RARB: variants seen among roughly 807,000 people sequenced by gnomAD.
The protein encoded by RARB is retinoic acid receptor beta.
Under a neutral mutation model 51.9 loss-of-function variants are expected in RARB, and 17 were observed. The ratio of observed to expected loss-of-function variants is 0.33; its 90% CI spans 0.22 to 0.49. The LOEUF is 0.49. Among genes scored for constraint, RARB ranks in the 20% least tolerant of loss-of-function variants. The probability of loss-of-function intolerance (pLI) is 0.99; values close to 1 mark genes in which losing one functional copy is unlikely to be tolerated. For missense variants in RARB, 369 were observed against 550.8 expected, an observed-to-expected ratio of 0.67 and a Z score of 3.30; for synonymous variants, 215 against 195.4, an observed-to-expected ratio of 1.10 and a Z score of -0.84.
At chr3:24,931,102 A>C (rs563926982) in intron 2 of RARB, among the ~76,000 whole-genome samples, 8 of 152,106 alleles carry the variant, frequency 5.3e-5, no homozygotes, top group African/African-American at 1.9e-4. Context: ...CTGGAATTCA[A>C]ACCCAGACAG....
At chr3:24,965,743 C>T (rs923220798) in intron 2 of RARB, among the ~76,000 whole-genome samples, 1 of 152,092 alleles carries the variant, frequency 6.6e-6, no homozygotes, top group African/African-American at 2.4e-5. Flanking sequence ...ACCTCAAATC[C>T]GTTCATTACT....
chr3:25,593,789 C>T, intron 6 of RARB, 82 bp downstream of exon 6: 1 of 1,384,188 alleles, frequency 7.2e-7, no homozygotes, highest in Non-Finnish European at 1.0e-6. Flanking sequence ...CCTCATTTCC[C>T]TTTTGGAGTT....
intron 2 of RARB, among the ~76,000 whole-genome samples, chr3:25,475,174 G>A (rs1008442914): frequency 1.3e-5 from 2 of 152,164 alleles, no homozygotes; most frequent in Non-Finnish European, 2.9e-5. Context: ...ACCTAAAAGA[G>A]TATTTTTGAA....
intron 5 of RARB, among the ~76,000 whole-genome samples, chr3:25,406,981 T>C (rs1267316781): frequency 1.3e-5 from 2 of 152,252 alleles, no homozygotes; most frequent in Non-Finnish European, 2.9e-5. Flanking sequence ...TAATGTGGAA[T>C]GATTTCCAAA....
chr3:25,025,131 T>C (rs1197628906), intron 2 of RARB: 3 of 152,100 alleles, frequency 2.0e-5, no homozygotes, highest in Non-Finnish European at 2.9e-5. Context: ...CCAAGAAAAG[T>C]TGTAAGCATT....
chr3:25,411,866 G>A (rs764011402), intron 5 of RARB, among the ~76,000 whole-genome samples: 4 of 152,194 alleles, frequency 2.6e-5, no homozygotes, highest in Non-Finnish European at 5.9e-5. Flanking sequence ...GACAACTTTG[G>A]GAGAGACAAC....
At chr3:24,942,700 A>G (rs1050128454) in intron 2 of RARB, among the ~76,000 whole-genome samples, 2 of 152,146 alleles carry the variant, frequency 1.3e-5, no homozygotes, top group African/African-American at 2.4e-5. Flanking sequence ...AATACGCACT[A>G]TGTTGCCTGG....
At chr3:24,904,850 A>C (rs1479639166) in intron 2 of RARB, among the ~76,000 whole-genome samples, 1 of 152,236 alleles carries the variant, frequency 6.6e-6, no homozygotes, top group Non-Finnish European at 1.5e-5. Context: ...TGATGAGTTC[A>C]TGTCCTTTGC....
intron 4 of RARB, among the ~76,000 whole-genome samples, chr3:25,153,612 T>G (rs1700328862): frequency 6.6e-6 from 1 of 152,166 alleles, no homozygotes; most frequent in African/African-American, 2.4e-5. Flanking sequence ...GTGAAAACCT[T>G]CTGAGTTGTT....
intron 5 of RARB, among the ~76,000 whole-genome samples, chr3:25,210,529 C>CTTTTATTTTTTTTTTTTTTTT (rs1701666981): frequency 3.6e-5 from 1 of 27,618 alleles, no homozygotes; most frequent in Non-Finnish European, 8.7e-5. Context: ...TTATCTGATT[C>CTTTTATTTTTTTTTTTTTTTT]TTTTTTTTTT....
chr3:25,215,701 C>G (rs780786388), intron 5 of RARB, among the ~76,000 whole-genome samples: 52 of 152,148 alleles, frequency 3.4e-4, no homozygotes, highest in Non-Finnish European at 6.8e-4. Context: ...TTGCCCATCA[C>G]AGTTCCTCTG....
Position 25,381,811 on chromosome 3 carries a change from G to A in RARB, c.179-79382G>A, listed in dbSNP as rs184952672. ...CAACTGAATGAGAAACCTGGAGGGT[G>A]GGCCAGGAAATTTGAGTTTTAACAA... is the stretch of plus-strand genomic sequence containing the variant. On this transcript the variant is annotated intron_variant, in intron 5 of 11. Transcript: ENST00000383772. Among the ~76,000 whole-genome samples the A allele has an allele frequency of 4.1e-4, 63 of 152,290 alleles. 1 individual carries two copies. The highest frequency in any genetic ancestry group is 7.6e-4 in the Non-Finnish European group (52 of 68,036).
intron 1 of RARB, among the ~76,000 whole-genome samples, chr3:24,850,247 A>G (rs1575035214): frequency 6.6e-6 from 1 of 152,154 alleles, no homozygotes; most frequent in South Asian, 2.1e-4. Context: ...GAATTTTCAG[A>G]CCATAGCAAC....
intron 5 of RARB, among the ~76,000 whole-genome samples, chr3:25,215,497 A>C (rs1338003873): frequency 3.9e-5 from 6 of 152,000 alleles, no homozygotes; most frequent in Non-Finnish European, 7.4e-5. Flanking sequence ...GAGAGTGAGC[A>C]CTCTGGCGGG....
At chr3:25,307,386 CA>C (rs572540162) in intron 5 of RARB, among the ~76,000 whole-genome samples, 7,741 of 126,912 alleles carry the variant, frequency 0.061, 202 homozygotes, top group African/African-American at 0.066. Context: ...AACTCTGTCT[CA>C]AAAAAAAAAA....
chr3:24,998,461 C>G (rs924967645), intron 2 of RARB, among the ~76,000 whole-genome samples: 1 of 151,740 alleles, frequency 6.6e-6, no homozygotes, highest in Non-Finnish European at 1.5e-5. Context: ...CCACAAAGAC[C>G]CCTGACTGAC....
intron 5 of RARB, among the ~76,000 whole-genome samples, chr3:25,355,026 A>G (rs1438941777): frequency 6.6e-6 from 1 of 152,128 alleles, no homozygotes; most frequent in Non-Finnish European, 1.5e-5. Flanking sequence ...TGGGCAAGTT[A>G]TAGCACCTTG....
At chr3:24,953,486 G>C (rs754688197) in intron 2 of RARB, among the ~76,000 whole-genome samples, 1 of 152,140 alleles carries the variant, frequency 6.6e-6, no homozygotes, top group African/African-American at 2.4e-5. Flanking sequence ...AGAAAGGACT[G>C]AGCACTTTCT....
intron 5 of RARB, among the ~76,000 whole-genome samples, chr3:25,192,358 G>A (rs1177031514): frequency 1.3e-5 from 2 of 152,030 alleles, no homozygotes; most frequent in Non-Finnish European, 2.9e-5. Context: ...TGACAATTTT[G>A]TGGTACTAGC....
Sources: gnomAD v4.1 joint callset for allele counts (sites outside exome capture counted in the v4.1 genomes callset) on GRCh38, gnomAD v4.1.1 for gene constraint, MANE v1.5 for transcripts, NCBI Gene and HGNC (gene_info 2026-07-23, HGNC 2026-07-21) for gene names.